GLRB: variants seen among roughly 807,000 people sequenced by gnomAD.
GLRB encodes glycine receptor subunit beta.
Under a neutral mutation model 54.2 loss-of-function variants are expected in GLRB, and 33 were observed. That is an observed-to-expected ratio of 0.61 (90% confidence interval 0.46 to 0.81). The LOEUF is 0.81. Ranked by LOEUF, GLRB falls within the 40% of genes least tolerant of loss-of-function variation. The pLI is 0.00. For missense variants in GLRB, 572 were observed against 584.6 expected (o/e 0.98, Z 0.22); for synonymous variants, 209 against 208.2 (o/e 1.00, Z -0.03).
At chr4:157,108,216 A>T (rs1735292845) in intron 2 of GLRB, among the ~76,000 whole-genome samples, 1 of 152,130 alleles carries the variant, frequency 6.6e-6, no homozygotes, top group African/African-American at 2.4e-5. Context: ...TCTTCAGACC[A>T]TGAATCAAGG....
chr4:157,103,739 G>A (rs1323945089), intron 2 of GLRB, among the ~76,000 whole-genome samples: 3 of 151,658 alleles, frequency 2.0e-5, no homozygotes, highest in South Asian at 4.2e-4. Flanking sequence ...TATAGTTTTC[G>A]GTGGACAAGT....
chr4:157,087,267 A>G (rs974380907), intron 2 of GLRB, among the ~76,000 whole-genome samples: 1 of 152,168 alleles, frequency 6.6e-6, no homozygotes, highest in Non-Finnish European at 1.5e-5. Context: ...CTACTAAATC[A>G]TGATGGCAAA....
chr4:157,145,228 C>A (rs184354582), intron 8 of GLRB, among the ~76,000 whole-genome samples: 150 of 152,246 alleles, frequency 9.9e-4, no homozygotes, highest in Middle Eastern at 6.8e-3. Context: ...ATACCAGGTT[C>A]CTGAGCTGTG....
intron 9 of GLRB, among the ~76,000 whole-genome samples, chr4:157,167,833 G>T (rs924729993): frequency 6.6e-6 from 1 of 152,178 alleles, no homozygotes; most frequent in Admixed American, 6.5e-5. Context: ...CCTCAGGAAG[G>T]TTACAGTTAT....
intron 2 of GLRB, among the ~76,000 whole-genome samples, chr4:157,120,022 G>A (rs1735747796): frequency 6.6e-6 from 1 of 151,698 alleles, no homozygotes; most frequent in Non-Finnish European, 1.5e-5. Flanking sequence ...AGAAAATGTG[G>A]CACATATACA....
chr4:157,170,718 T>C lies in GLRB; in HGVS notation c.1484T>C (p.Ile495Thr), dbSNP rs1737890529. 6.7e-7 allele frequency: 1 copy of C among 1,485,280 alleles called. No individual in the cohort carries two copies. The highest frequency in any genetic ancestry group is 1.4e-5 in the African/African-American group (1 of 71,116). The allele number at this position is 1,485,280 out of a possible 1,614,324, so 92.0% of individuals were successfully genotyped here. The change falls in exon 10 of 10, where the codon ATA becomes ACA. Residue 495 changes from isoleucine to threonine, a missense_variant. Transcript: ENST00000264428. ...TTCTTCAATGTTATATATTGGTCTA[T>C]ATATTTATGATAAATCTTTTCCATT... ...FLFFNVIYWSIYL is the reference protein window; with the variant it reads ...FLFFNVIYWSTYL
At chr4:157,100,027 T>C (rs1271197362) in intron 2 of GLRB, among the ~76,000 whole-genome samples, 1 of 152,208 alleles carries the variant, frequency 6.6e-6, no homozygotes, top group African/African-American at 2.4e-5. Flanking sequence ...TCTTTATATA[T>C]TCTAGAACAA....
chr4:157,150,355 T>C (rs754263549), intron 8 of GLRB, among the ~76,000 whole-genome samples: 10 of 152,020 alleles, frequency 6.6e-5, no homozygotes, highest in Non-Finnish European at 1.0e-4. Context: ...CCTTCTTATA[T>C]CTGATATGAT....
chr4:157,138,835 T>C lies in GLRB; in HGVS notation c.637T>C (p.Phe213Leu). 1 of 1,562,718 alleles carries C rather than the reference T, an allele frequency of 6.4e-7. No individual in the cohort carries two copies. The highest frequency in any genetic ancestry group is 8.8e-7 in the Non-Finnish European group (1 of 1,134,254). ...TGGTTACACAACTGATGATTTACGA[T>C]TTATCTGGCAGTCAGGAGATCCTGT... is the stretch of plus-strand genomic sequence containing the variant. ...SFGYTTDDLR[F>L]IWQSGDPVQL... The change falls in exon 7 of 10, where the codon TTT (phenylalanine) becomes CTT (leucine). Residue 213 changes from phenylalanine (F) to leucine (L), a missense_variant. Coordinates refer to ENST00000264428, the MANE Select transcript of GLRB (RefSeq NM_000824.5).
chr4:157,085,421 G>A (rs781763509), intron 2 of GLRB, among the ~76,000 whole-genome samples: 1 of 151,868 alleles, frequency 6.6e-6, no homozygotes, highest in Non-Finnish European at 1.5e-5. Context: ...TATTTTTAAC[G>A]TATGTGTTAC....
chr4:157,120,718 G>A, intron 3 of GLRB, 56 bp downstream of exon 3: 1 of 821,762 alleles, frequency 1.2e-6, no homozygotes, highest in East Asian at 2.9e-5. Flanking sequence ...AATTTTATAT[G>A]TTTAGAGATT....
intron 3 of GLRB, among the ~76,000 whole-genome samples, chr4:157,121,951 A>G (rs1031531753): frequency 5.3e-5 from 8 of 151,638 alleles, no homozygotes; most frequent in Admixed American, 1.3e-4. Flanking sequence ...AAAATGCAAA[A>G]AAATGAAACC....
intron 2 of GLRB, among the ~76,000 whole-genome samples, chr4:157,098,497 G>C (rs1261699172): frequency 1.3e-5 from 2 of 152,188 alleles, no homozygotes; most frequent in African/African-American, 2.4e-5. Context: ...CAGGTACCAT[G>C]ATGAGACAGT....
intron 8 of GLRB, among the ~76,000 whole-genome samples, chr4:157,144,885 GA>G (rs1188256370): frequency 2.6e-5 from 4 of 152,140 alleles, no homozygotes; most frequent in Admixed American, 2.0e-4. Flanking sequence ...AATGTCATCT[GA>G]AGAAGAAATT....
chr4:157,138,562 A>T (rs1182773837), intron 6 of GLRB, among the ~76,000 whole-genome samples: 1 of 152,178 alleles, frequency 6.6e-6, no homozygotes, highest in East Asian at 1.9e-4. Context: ...ATGCCCTAGG[A>T]TTTTAAATCT....
intron 8 of GLRB, 131 bp downstream of exon 8, chr4:157,144,090 T>C (rs900212235): frequency 5.9e-5 from 52 of 882,354 alleles, no homozygotes; most frequent in Admixed American, 5.8e-5. Context: ...TTAAAGACTT[T>C]CTTCAAAACT....
chr4:157,146,485 A>G (rs1736816065), intron 8 of GLRB, among the ~76,000 whole-genome samples: 1 of 151,866 alleles, frequency 6.6e-6, no homozygotes, highest in African/African-American at 2.4e-5. Flanking sequence ...ATTCAGGTAA[A>G]TATTTGGTCT....
intron 9 of GLRB, among the ~76,000 whole-genome samples, chr4:157,165,586 C>A (rs757879349): frequency 1.8e-4 from 28 of 151,952 alleles, no homozygotes; most frequent in Non-Finnish European, 3.7e-4. Context: ...TAATTTGTGG[C>A]CTGTATACAA....
At chr4:157,136,911 T>C (rs749207535) in intron 6 of GLRB, 25 bp downstream of exon 6, 17 of 1,390,738 alleles carry the variant, frequency 1.2e-5, no homozygotes, top group Middle Eastern at 1.8e-4. Context: ...ACATAATTGA[T>C]TATGAAAATA....
Sources: allele counts gnomAD v4.1 joint callset (sites outside exome capture counted in the v4.1 genomes callset), GRCh38; gene constraint gnomAD v4.1.1; transcripts MANE v1.5; gene names NCBI Gene and HGNC (gene_info 2026-07-23, HGNC 2026-07-21).